The following NOX4 variants were observed in gnomAD, a reference collection of about 807,000 sequenced individuals.
The protein encoded by NOX4 is NADPH oxidase 4.
NOX4 carries 69 observed loss-of-function variants against 87.6 expected under a neutral mutation model. The ratio of observed to expected loss-of-function variants is 0.79; its 90% CI spans 0.65 to 0.96. NOX4 has a LOEUF of 0.96. Among genes scored for constraint, NOX4 ranks in the 40% least tolerant of loss-of-function variants. NOX4 has a pLI of 0.00. For missense variants in NOX4, 680 were observed against 681.5 expected (o/e 1.00, Z 0.02); for synonymous variants, 275 against 238.2 (o/e 1.15, Z -1.42).
chr11:89,488,256 G>T (rs1036761509), intron 2 of NOX4, among the ~76,000 whole-genome samples: 3 of 151,690 alleles, frequency 2.0e-5, no homozygotes, highest in Non-Finnish European at 4.4e-5. Flanking sequence ...TCTTCCATTT[G>T]GTCCTTTTAT....
At chr11:89,438,674 C>A (rs1206037819) in intron 6 of NOX4, among the ~76,000 whole-genome samples, 7 of 38,482 alleles carry the variant, frequency 1.8e-4, no homozygotes, top group Non-Finnish European at 2.5e-4. Flanking sequence ...ATATTATATA[C>A]TATATATACT....
intron 13 of NOX4, 62 bp downstream of exon 13, chr11:89,354,900 C>T: frequency 9.5e-7 from 1 of 1,055,842 alleles, no homozygotes; most frequent in Non-Finnish European, 1.4e-6. Flanking sequence ...TTTGCCTGCC[C>T]AAATCTCTCC....
chr11:89,372,558 A>G (rs116473783), intron 12 of NOX4, among the ~76,000 whole-genome samples: 2,269 of 151,984 alleles, frequency 0.015, 57 homozygotes, highest in African/African-American at 0.051. Flanking sequence ...CTTTCACTTA[A>G]ATTACCTACA....
At chr11:89,377,212 T>C (rs1004274372) in intron 11 of NOX4, among the ~76,000 whole-genome samples, 3 of 152,234 alleles carry the variant, frequency 2.0e-5, no homozygotes, top group African/African-American at 7.2e-5. Flanking sequence ...AATCATTTCA[T>C]ACACATCTAT....
intron 12 of NOX4, among the ~76,000 whole-genome samples, chr11:89,361,510 C>A (rs779828812): frequency 3.6e-4 from 55 of 152,042 alleles, no homozygotes; most frequent in Non-Finnish European, 7.2e-4. Context: ...GTACAGTGTA[C>A]ATTGCTTGGG....
intron 2 of NOX4, among the ~76,000 whole-genome samples, chr11:89,489,276 A>T (rs2135493840): frequency 6.6e-6 from 1 of 152,268 alleles, no homozygotes; most frequent in Admixed American, 6.5e-5. Flanking sequence ...AATTTGTCTG[A>T]GCTCGTCTTA....
the NOX4 span, among the ~76,000 whole-genome samples, chr11:89,572,925 A>C: frequency 6.6e-6 from 1 of 151,902 alleles, no homozygotes; most frequent in Non-Finnish European, 1.5e-5. Context: ...TATACTTTAT[A>C]ATCTCTTTTC....
chr11:89,428,656 A>G (rs1943593455), intron 7 of NOX4, among the ~76,000 whole-genome samples: 1 of 152,170 alleles, frequency 6.6e-6, no homozygotes, highest in Non-Finnish European at 1.5e-5. Flanking sequence ...ATTCAACAAG[A>G]AGAGCTAACT....
intron 2 of NOX4, among the ~76,000 whole-genome samples, chr11:89,467,935 C>T: frequency 6.6e-6 from 1 of 152,126 alleles, no homozygotes; most frequent in East Asian, 1.9e-4. Context: ...TTGTTAGTGA[C>T]AAGGACTACA....
rs754652997 is a variant in NOX4, at chr11:89,490,517, T to G, written c.94A>C (p.Lys32Gln). Residue 32 changes from lysine (K) to glutamine (Q), a missense_variant, in exon 2 of 18, where the codon AAA (lysine) becomes CAA (glutamine). Coordinates refer to ENST00000263317, the MANE Select transcript of NOX4 (RefSeq NM_016931.5). ...WLSMNVLLFW[K>Q]TFLLYNQGPE... ...CCTTGGTTATACAGCAAGAAGGTTT[T>G]CCAGAAAAGCAGGACATTCATGGAG... The G allele has an allele frequency of 6.2e-7, 1 of 1,614,052 alleles. No individual in the cohort carries two copies.
chr11:89,481,277 A>G (rs1332864170), intron 2 of NOX4, among the ~76,000 whole-genome samples: 3 of 151,848 alleles, frequency 2.0e-5, no homozygotes, highest in Non-Finnish European at 4.4e-5. Flanking sequence ...GTGTGTGTAT[A>G]TATATATACA....
the NOX4 span, among the ~76,000 whole-genome samples, chr11:89,539,863 G>C: frequency 6.6e-6 from 1 of 151,732 alleles, no homozygotes; most frequent in Admixed American, 6.6e-5. Flanking sequence ...GAGCGTCAAA[G>C]AATTTTCAGC....
At chr11:89,420,795 C>T (rs1943041787) in intron 8 of NOX4, among the ~76,000 whole-genome samples, 1 of 152,142 alleles carries the variant, frequency 6.6e-6, no homozygotes, top group African/African-American at 2.4e-5. Context: ...GGATTGTCAG[C>T]TGTGTTACCA....
At chr11:89,564,716 G>A in the NOX4 span, among the ~76,000 whole-genome samples, 51 of 151,456 alleles carry the variant, frequency 3.4e-4, no homozygotes, top group African/African-American at 1.2e-3. Context: ...TCTAATTTTG[G>A]AGGAGTTTTT....
intron 13 of NOX4, among the ~76,000 whole-genome samples, chr11:89,346,373 T>C (rs1946215997): frequency 6.6e-6 from 1 of 152,066 alleles, no homozygotes; most frequent in Admixed American, 6.6e-5. Context: ...AACAAAATTA[T>C]GCTCCAATAA....
chr11:89,570,786 A>G, the NOX4 span, among the ~76,000 whole-genome samples: 6 of 152,214 alleles, frequency 3.9e-5, no homozygotes, highest in African/African-American at 1.2e-4. Context: ...TGATTATGCC[A>G]TTGCACTGCA....
intron 2 of NOX4, among the ~76,000 whole-genome samples, chr11:89,487,686 G>C (rs1946686003): frequency 6.6e-6 from 1 of 152,160 alleles, no homozygotes; most frequent in Admixed American, 6.5e-5. Flanking sequence ...GTGGGACCAA[G>C]TGTTTGCTAA....
At chr11:89,514,305 A>G in the NOX4 span, among the ~76,000 whole-genome samples, 1 of 151,930 alleles carries the variant, frequency 6.6e-6, no homozygotes, top group African/African-American at 2.4e-5. Flanking sequence ...TTTCATATTG[A>G]CATTACTAGT....
At position 89,485,309 on chromosome 11, in the gene NOX4, A is replaced by G. The variant is rs148874170; in HGVS notation, c.153+5149T>C. Among the ~76,000 whole-genome samples, 30 of 152,250 alleles carry G rather than the reference A, an allele frequency of 2.0e-4. No individual in the cohort carries two copies. In the East Asian group the frequency reaches 5.4e-3, roughly 27 times the overall value. On this transcript the variant is annotated intron_variant, in intron 2 of 17. Coordinates refer to ENST00000263317, the MANE Select transcript of NOX4 (RefSeq NM_016931.5). ...AATATTTGTGAATAAAAGCAAAATA[A>G]AAATTAAAATCTTATCCTGACACCA...
Sources: gnomAD v4.1 joint callset for allele counts (sites outside exome capture counted in the v4.1 genomes callset) on GRCh38, gnomAD v4.1.1 for gene constraint, MANE v1.5 for transcripts, NCBI Gene and HGNC (gene_info 2026-07-23, HGNC 2026-07-21) for gene names.